Variants in ICA1 observed in about 807,000 individuals in gnomAD.
ICA1 encodes islet cell autoantigen 1.
Under a neutral mutation model 71.0 loss-of-function variants are expected in ICA1, and 40 were observed. The ratio of observed to expected loss-of-function variants is 0.56; its 90% CI spans 0.44 to 0.73. The LOEUF (loss-of-function observed/expected upper bound fraction) is 0.73, where lower values mean the gene tolerates loss of function less well. Ranked by LOEUF, ICA1 falls within the 30% of genes least tolerant of loss-of-function variation. The pLI is 0.00. For missense variants in ICA1, 578 were observed against 576.5 expected, an observed-to-expected ratio of 1.00 and a Z score of -0.03; for synonymous variants, 207 against 209.5, an observed-to-expected ratio of 0.99 and a Z score of 0.10.
At chr7:8,227,547 T>C in intron 4 of ICA1, 1 of 297,384 alleles carries the variant, frequency 3.4e-6, no homozygotes, top group Non-Finnish European at 6.6e-6. Context: ...CTAACATAGA[T>C]AATTTATAAA....
At chr7:8,141,078 T>C (rs147246186) in intron 10 of ICA1, among the ~76,000 whole-genome samples, 186 of 152,324 alleles carry the variant, frequency 1.2e-3, no homozygotes, top group African/African-American at 4.3e-3. Flanking sequence ...GCCAGTGAAG[T>C]GCTTGGTACT....
chr7:8,127,939 C>T lies in ICA1; in HGVS notation c.1264G>A (p.Gly422Ser), dbSNP rs200033764. 209 of 1,614,204 alleles carry T rather than the reference C, an allele frequency of 1.3e-4. 1 individual carries two copies. Among genetic ancestry groups the T allele is most frequent in the Non-Finnish European group, 1.5e-4 (180 of 1,180,038 alleles). The change falls in exon 13 of 14, where the codon GGC becomes AGC. Residue 422 changes from glycine to serine, a missense_variant. Coordinates refer to ENST00000402384, the MANE Select transcript of ICA1 (RefSeq NM_001136020.3). ...AGCTGCGAAGGAAGGAAACCTGAGC[C>T]TGTCTGGGCCTTGGGGTCTGGCTCT... ...LGEPDPKAQTGSGFLPSQLLD... is the reference protein window; with the variant it reads ...LGEPDPKAQTSSGFLPSQLLD...
At chr7:8,244,268 T>C (rs943558689) in intron 1 of ICA1, among the ~76,000 whole-genome samples, 3 of 152,190 alleles carry the variant, frequency 2.0e-5, no homozygotes, top group African/African-American at 7.2e-5. Flanking sequence ...TCTACAGCTA[T>C]CTGATCTTTG....
At chr7:8,126,342 ACT>A (rs1249720807) in intron 13 of ICA1, among the ~76,000 whole-genome samples, 1 of 151,960 alleles carries the variant, frequency 6.6e-6, no homozygotes, top group Non-Finnish European at 1.5e-5. Flanking sequence ...TGGGGATGAA[ACT>A]CTAGTCAGTT....
Position 8,123,417 on chromosome 7 carries a change from G to T in ICA1, c.1330+4456C>A, listed in dbSNP as rs922377887. ...GGGGAAATGTGGATTGTGAGAGGGG[G>T]TGAGGGAGCTGGGGACGCGGCCCAG... is the stretch of plus-strand genomic sequence containing the variant. On this transcript the variant is annotated intron_variant, in intron 13 of 13. Transcript: ENST00000402384. This position sits in a 1 kb window ranked among gnomAD's most constrained non-coding sequence, Gnocchi z 4.1. Among the ~76,000 whole-genome samples, 24 of 152,076 alleles carry T rather than the reference G, an allele frequency of 1.6e-4. No individual in the cohort carries two copies. The highest frequency in any genetic ancestry group is 5.1e-4 in the African/African-American group (21 of 41,398).
intron 6 of ICA1, among the ~76,000 whole-genome samples, chr7:8,174,858 CT>C (rs1780078345): frequency 6.6e-6 from 1 of 151,730 alleles, no homozygotes; most frequent in South Asian, 2.1e-4. Flanking sequence ...CAGCATCATT[CT>C]ACCATTGCGC....
intron 6 of ICA1, among the ~76,000 whole-genome samples, chr7:8,196,821 A>T (rs1259455440): frequency 6.6e-6 from 1 of 152,200 alleles, no homozygotes; most frequent in Non-Finnish European, 1.5e-5. Context: ...GAGATAAATG[A>T]ATCACGGCAG....
chr7:8,134,619 C>T (rs1792693973), intron 12 of ICA1, among the ~76,000 whole-genome samples: 2 of 152,198 alleles, frequency 1.3e-5, no homozygotes, highest in African/African-American at 2.4e-5. Context: ...CCCCAAACAC[C>T]AACACTATCC....
At chr7:8,152,889 A>ATCACCATCAC (rs1800008521) in intron 8 of ICA1, among the ~76,000 whole-genome samples, 1 of 1,106 alleles carries the variant, frequency 9.0e-4, no homozygotes, top group African/African-American at 3.9e-3. Context: ...CTCCACCACC[A>ATCACCATCAC]CTACCACCAT....
intron 6 of ICA1, among the ~76,000 whole-genome samples, chr7:8,187,385 G>T (rs886836668): frequency 2.0e-5 from 3 of 152,098 alleles, no homozygotes; most frequent in Non-Finnish European, 4.4e-5. Flanking sequence ...GTAAAAATAT[G>T]GCATAAAAGA....
rs1174860467 is a variant in ICA1, at chr7:8,132,716, T to C, written c.1061-4574A>G. Among the ~76,000 whole-genome samples, 2 of 152,208 alleles carry C rather than the reference T, an allele frequency of 1.3e-5. No individual in the cohort carries two copies. Among genetic ancestry groups the C allele is most frequent in the Non-Finnish European group, 2.9e-5 (2 of 68,030 alleles). ...TCCTATTCTGGCTGCCCTTAAGGTT[T>C]CATCCCAAACCATCATACCTTCCCT... is the stretch of plus-strand genomic sequence containing the variant. On this transcript the variant is annotated intron_variant, in intron 12 of 13. Coordinates refer to ENST00000402384, the MANE Select transcript of ICA1 (RefSeq NM_001136020.3). This position sits in a 1 kb window ranked among gnomAD's most constrained non-coding sequence, Gnocchi z 4.5.
At position 8,232,754 on chromosome 7, in the gene ICA1, T is replaced by G. The variant is rs1432700389; in HGVS notation, c.19A>C (p.Ser7Arg). Residue 7 changes from serine to arginine, a missense_variant and splice_region_variant, in exon 3 of 14, where the codon AGT becomes CGT. By Grantham distance (110) the Ser-to-Arg change is moderately radical. Transcript: ENST00000402384. MSGHKC[S>R]YPWDLQDRYA... ...CGATCCTGTAAGTCCCAGGGATAAC[T>G]GCTAAAAACATTTAAAGAACTATTT... is the stretch of plus-strand genomic sequence containing the variant. 6.3e-7 allele frequency: 1 copy of G among 1,583,392 alleles called. No individual in the cohort carries two copies. The highest frequency in any genetic ancestry group is 1.8e-5 in the Admixed American group (1 of 54,488).
At position 8,221,372 on chromosome 7, in the gene ICA1, C is replaced by G. The variant is rs1389182542; in HGVS notation, c.283G>C (p.Gly95Arg). ...AAACCTTGGGATCGAAGAAATTTTC[C>G]CAGTTCGTTTTCTTCTTGAGACAAG... ...CFLSQEENEL[G>R]KFLRSQGFQD... is the part of the protein sequence containing the mutation. Residue 95 changes from glycine (G) to arginine (R), a missense_variant, in exon 5 of 14, where the codon GGA (glycine) becomes CGA (arginine). Transcript: ENST00000402384. 6.2e-7 allele frequency: 1 copy of G among 1,613,536 alleles called. No homozygotes were observed. Among genetic ancestry groups the G allele is most frequent in the Non-Finnish European group, 8.5e-7 (1 of 1,179,604 alleles).
Position 8,164,176 on chromosome 7 carries a change from C to T in ICA1, c.580-5524G>A, listed in dbSNP as rs528368024. On this transcript the variant is annotated intron_variant, in intron 6 of 13. Transcript: ENST00000402384. ...AAAAATTTGATAGTGTGGTGGTACA[C>T]GCCTGTAATCCTAGCTACTCAGGAG... is the stretch of plus-strand genomic sequence containing the variant. 1.7e-4 allele frequency among the ~76,000 whole-genome samples: 26 copies of T among 151,826 alleles called. No homozygotes were observed. The East Asian group carries it at 3.3e-3, about 19-fold the overall frequency.
chr7:8,245,924 C>A (rs915547634), intron 1 of ICA1, among the ~76,000 whole-genome samples: 1 of 152,106 alleles, frequency 6.6e-6, no homozygotes, highest in Non-Finnish European at 1.5e-5. Flanking sequence ...AACAATGTCC[C>A]CTTAATGAAT....
rs1491295889 is a variant in ICA1, at chr7:8,146,881, C to CGT, written c.805-2910_805-2909insAC. Among the ~76,000 whole-genome samples the CGT allele has an allele frequency of 2.3e-5, 3 of 127,848 alleles. No homozygotes were observed. In the South Asian group the frequency reaches 7.9e-4, roughly 34 times the overall value. The allele number at this position is 127,848 out of a possible 152,430, so 83.9% of individuals were successfully genotyped here. On this transcript the variant is annotated intron_variant, in intron 8 of 13. Coordinates refer to ENST00000402384, the MANE Select transcript of ICA1 (RefSeq NM_001136020.3). ...GTACACACACACACACACACACACACGCACACACACACACACACACACACA... is the reference window on the plus strand; with the variant it reads ...GTACACACACACACACACACACACACGTGCACACACACACACACACACACACA...
intron 6 of ICA1, among the ~76,000 whole-genome samples, chr7:8,209,278 A>T (rs1792768888): frequency 6.6e-6 from 1 of 152,236 alleles, no homozygotes; most frequent in African/African-American, 2.4e-5. Flanking sequence ...ACACTTGAAA[A>T]AAATCTGTTT....
intron 1 of ICA1, among the ~76,000 whole-genome samples, chr7:8,244,206 CAG>C (rs1258679196): frequency 2.0e-5 from 3 of 152,156 alleles, no homozygotes; most frequent in South Asian, 4.1e-4. Flanking sequence ...GGTATGAAAA[CAG>C]AGATATAGAC....
chr7:8,121,652 ATATAGT>A (rs1786999512), intron 13 of ICA1, among the ~76,000 whole-genome samples: 1 of 152,234 alleles, frequency 6.6e-6, no homozygotes, highest in Admixed American at 6.5e-5. Flanking sequence ...GGGTACAAAA[ATATAGT>A]TAGATAGAAT....
Sources: gnomAD v4.1 joint callset for allele counts (sites outside exome capture counted in the v4.1 genomes callset) on GRCh38, gnomAD v4.1.1 for gene constraint, Gnocchi (gnomAD v3.1) non-coding constraint, MANE v1.5 for transcripts, NCBI Gene and HGNC (gene_info 2026-07-23, HGNC 2026-07-21) for gene names.